PDXDC1: variants seen among roughly 807,000 people sequenced by gnomAD.
The protein encoded by PDXDC1 is pyridoxal dependent decarboxylase domain containing 1.
A neutral mutation model predicts 100.1 loss-of-function variants in PDXDC1; 42 were observed. The observed-to-expected ratio is 0.42, with a 90% CI of 0.33 to 0.54. The LOEUF (loss-of-function observed/expected upper bound fraction) is 0.54. PDXDC1 is among the 20% of genes least tolerant of loss of function. The pLI is 0.10. For missense variants in PDXDC1, 636 were observed against 979.2 expected (o/e 0.65, Z 4.68); for synonymous variants, 260 against 371.7 (o/e 0.70, Z 3.46).
chr16:15,080,793 G>A (rs1411797128), intron 16 of PDXDC1, among the ~76,000 whole-genome samples: 1 of 150,298 alleles, frequency 6.7e-6, no homozygotes. Flanking sequence ...AAAAAATGAA[G>A]ACCTTGGCAA....
intron 16 of PDXDC1, among the ~76,000 whole-genome samples, chr16:15,062,797 CTCTT>C (rs1358705423): frequency 6.6e-6 from 1 of 152,234 alleles, no homozygotes; most frequent in African/African-American, 2.4e-5. Flanking sequence ...AAGCCATAGA[CTCTT>C]TAAATAACAA....
intron 16 of PDXDC1, among the ~76,000 whole-genome samples, chr16:15,109,828 G>A (rs1466673502): frequency 4.4e-5 from 6 of 137,900 alleles, no homozygotes; most frequent in East Asian, 2.1e-4. Flanking sequence ...CAGCCTGGGC[G>A]ACAGAGCGAG....
chr16:15,143,678 G>A (rs1032599497), downstream of PDXDC1, among the ~76,000 whole-genome samples: 6 of 152,222 alleles, frequency 3.9e-5, no homozygotes, highest in Non-Finnish European at 8.8e-5. Flanking sequence ...GGGAGCCGGG[G>A]TCGGGGCGTG....
chr16:15,141,186 C>G (rs568455863), downstream of PDXDC1, among the ~76,000 whole-genome samples: 5 of 152,234 alleles, frequency 3.3e-5, no homozygotes, highest in Non-Finnish European at 5.9e-5. Flanking sequence ...CCCTGCTCCT[C>G]CCACCGGAGC....
the PDXDC1 span, among the ~76,000 whole-genome samples, chr16:15,149,980 C>A: frequency 6.6e-6 from 1 of 152,182 alleles, no homozygotes; most frequent in Admixed American, 6.5e-5. Flanking sequence ...GCGAGAAATC[C>A]AGGCTGCAGG....
chr16:15,009,436 C>G (rs2041071694), intron 7 of PDXDC1: 1 of 632,132 alleles, frequency 1.6e-6, no homozygotes, highest in African/African-American at 1.8e-5. Context: ...TGTTTAAAAT[C>G]AAAGAAATGT....
At chr16:15,000,922 T>G (rs1388674392) in intron 3 of PDXDC1, among the ~76,000 whole-genome samples, 2 of 149,004 alleles carry the variant, frequency 1.3e-5, no homozygotes, top group African/African-American at 4.9e-5. Context: ...ATTTTATATT[T>G]TATATAATGT....
chr16:15,031,588 G>A, intron 16 of PDXDC1, 147 bp from the exon 17 acceptor site: 1 of 617,056 alleles, frequency 1.6e-6, no homozygotes. Context: ...TATCTGTGTT[G>A]AGGGCCTTTT....
At chr16:14,998,511 CTG>C (rs1972483540) in intron 3 of PDXDC1, 106 bp downstream of exon 3, 1 of 1,217,652 alleles carries the variant, frequency 8.2e-7, no homozygotes, top group Admixed American at 2.4e-5. Flanking sequence ...GTGGCACAAT[CTG>C]GGCTCGCTGC....
chr16:15,067,799 C>T (rs923247394), intron 16 of PDXDC1, among the ~76,000 whole-genome samples: 1 of 152,008 alleles, frequency 6.6e-6, no homozygotes, highest in Non-Finnish European at 1.5e-5. Context: ...ATTCTGGAGC[C>T]CAGACTGGAG....
rs1967959574 is a variant in PDXDC1, at chr16:14,981,434, G to A, written c.21+6214G>A. On this transcript the variant is annotated intron_variant, in intron 1 of 22. Coordinates refer to ENST00000396410, the MANE Select transcript of PDXDC1 (RefSeq NM_015027.4). The stretch of plus-strand genomic sequence containing the variant: ...GCACTAGTTAAACTAGTTAAACACT[G>A]CCTATAAAGCTTATCTTAAGGAAGA... 1.3e-5 allele frequency among the ~76,000 whole-genome samples: 2 copies of A among 152,298 alleles called. 1 individual carries two copies. Among genetic ancestry groups the A allele is most frequent in the Admixed American group, 1.3e-4 (2 of 15,294 alleles).
intron 8 of PDXDC1, among the ~76,000 whole-genome samples, chr16:15,015,155 A>G (rs1433703846): frequency 6.6e-6 from 1 of 152,184 alleles, no homozygotes; most frequent in East Asian, 1.9e-4. Context: ...GTTAGCCAGG[A>G]TGGTCTCCAT....
chr16:15,088,378 G>A (rs950808114), intron 16 of PDXDC1, among the ~76,000 whole-genome samples: 1 of 151,874 alleles, frequency 6.6e-6, no homozygotes, highest in Non-Finnish European at 1.5e-5. Context: ...GAGGTGGGAA[G>A]ATTGCTTGAG....
At chr16:15,089,160 C>T (rs1252055456) in intron 16 of PDXDC1, among the ~76,000 whole-genome samples, 2 of 151,898 alleles carry the variant, frequency 1.3e-5, no homozygotes, top group East Asian at 1.9e-4. Context: ...AAAAAATTAG[C>T]TGGGCATGGT....
At position 15,034,531 on chromosome 16, in the gene PDXDC1, A is replaced by T; in HGVS notation, c.1980A>T (p.Gly660=). 1 of 1,613,758 alleles carries T rather than the reference A, an allele frequency of 6.2e-7. No homozygotes were observed. The highest frequency in any genetic ancestry group is 8.5e-7 in the Non-Finnish European group (1 of 1,179,812). The change falls in exon 21 of 23, where the codon GGA becomes GGT. Residue 660 remains glycine, a synonymous_variant. Coordinates refer to ENST00000396410, the MANE Select transcript of PDXDC1 (RefSeq NM_015027.4). ...WFSPVQALQK[G]RTFNLTAGSL... ...CTCCGGTCCAGGCTTTACAGAAGGG[A>T]AGAACTTTTAACTTGACAGCAGGTA...
intron 16 of PDXDC1, chr16:15,127,805 G>C: frequency 6.4e-7 from 1 of 1,551,272 alleles, no homozygotes; most frequent in East Asian, 2.4e-5. Flanking sequence ...CGAGGCGGCC[G>C]GTCCCATATG....
chr16:15,079,581 C>T (rs1210412790), intron 16 of PDXDC1, among the ~76,000 whole-genome samples: 3 of 143,362 alleles, frequency 2.1e-5, no homozygotes, highest in Non-Finnish European at 3.0e-5. Flanking sequence ...AAGAATGGTG[C>T]TAGTGGTTTC....
downstream of PDXDC1, chr16:15,038,661 T>C (rs2151681191): frequency 6.3e-7 from 1 of 1,594,640 alleles, no homozygotes; most frequent in Non-Finnish European, 8.6e-7. Flanking sequence ...GAAGTTGTTC[T>C]GTCTCTGCAT....
At chr16:15,010,167 C>T (rs1249447139) in intron 8 of PDXDC1, among the ~76,000 whole-genome samples, 1 of 152,300 alleles carries the variant, frequency 6.6e-6, no homozygotes, top group Non-Finnish European at 1.5e-5. Flanking sequence ...CTGCCTCAAC[C>T]TCCTGAATTG....
Sources: gnomAD v4.1 joint callset for allele counts (sites outside exome capture counted in the v4.1 genomes callset) on GRCh38, gnomAD v4.1.1 for gene constraint, MANE v1.5 for transcripts, NCBI Gene and HGNC (gene_info 2026-07-23, HGNC 2026-07-21) for gene names.